SRGAP1: variants seen among roughly 807,000 people sequenced by gnomAD.
SRGAP1 encodes SLIT-ROBO Rho GTPase activating protein 1.
Under a neutral mutation model 121.9 loss-of-function variants are expected in SRGAP1, and 43 were observed. The ratio of observed to expected loss-of-function variants is 0.35; its 90% CI spans 0.28 to 0.46. The LOEUF (loss-of-function observed/expected upper bound fraction) is 0.46, where lower values mean the gene tolerates loss of function less well. SRGAP1 is among the 20% of genes least tolerant of loss of function. The probability of loss-of-function intolerance (pLI) is 1.00; values close to 1 mark genes in which losing one functional copy is unlikely to be tolerated. For synonymous variants in SRGAP1, 447 were observed against 485.4 expected, an observed-to-expected ratio of 0.92 and a Z score of 1.04; for missense variants, 1,102 against 1,350.9, an observed-to-expected ratio of 0.82 and a Z score of 2.89.
chr12:63,958,155 C>T (rs1485963549), intron 1 of SRGAP1, among the ~76,000 whole-genome samples: 1 of 152,166 alleles, frequency 6.6e-6, no homozygotes, highest in East Asian at 1.9e-4. Flanking sequence ...TGGCTGAGAA[C>T]ATGCTTGATA....
At chr12:64,111,669 C>A (rs967138271) in intron 16 of SRGAP1, 93 bp from the exon 17 acceptor site, 2 of 1,086,106 alleles carry the variant, frequency 1.8e-6, no homozygotes, top group African/African-American at 1.6e-5. Context: ...GTTGAAGTAT[C>A]TTATTAAAGT....
At chr12:63,865,047 C>T (rs1899576871) in intron 1 of SRGAP1, among the ~76,000 whole-genome samples, 1 of 152,134 alleles carries the variant, frequency 6.6e-6, no homozygotes, top group Admixed American at 6.5e-5. Context: ...AGTGCAATTA[C>T]TTTTGCACCA....
intron 6 of SRGAP1, among the ~76,000 whole-genome samples, chr12:64,059,151 T>C (rs1477299860): frequency 2.4e-4 from 37 of 152,076 alleles, no homozygotes; most frequent in Admixed American, 2.4e-3. Flanking sequence ...ACGATGAAAT[T>C]ATCTCTTGTT....
At chr12:63,994,567 T>G (rs982092082) in intron 3 of SRGAP1, among the ~76,000 whole-genome samples, 1 of 152,180 alleles carries the variant, frequency 6.6e-6, no homozygotes, top group African/African-American at 2.4e-5. Context: ...ATGGAGCGCC[T>G]TACCTTTGAG....
At chr12:63,949,332 GT>G (rs71434040) in intron 1 of SRGAP1, among the ~76,000 whole-genome samples, 46,450 of 124,228 alleles carry the variant, frequency 0.37, 7,880 homozygotes, top group East Asian at 0.55. Flanking sequence ...GTCACAACTT[GT>G]TTTTTTTTTT....
chr12:64,113,722 C>G (rs963866858), intron 17 of SRGAP1, among the ~76,000 whole-genome samples: 11 of 152,306 alleles, frequency 7.2e-5, no homozygotes, highest in African/African-American at 2.4e-4. Context: ...CACATGATCT[C>G]TTTTATTTAG....
intron 6 of SRGAP1, among the ~76,000 whole-genome samples, chr12:64,052,372 G>A (rs1489964791): frequency 6.6e-6 from 1 of 152,050 alleles, no homozygotes; most frequent in Non-Finnish European, 1.5e-5. Flanking sequence ...GACCAACATG[G>A]TGAAACCCTG....
At chr12:64,041,482 T>C (rs1231019761) in intron 4 of SRGAP1, among the ~76,000 whole-genome samples, 3 of 151,830 alleles carry the variant, frequency 2.0e-5, no homozygotes, top group African/African-American at 7.3e-5. Flanking sequence ...CCTCCCGGGC[T>C]CAACCAATCC....
intron 8 of SRGAP1, among the ~76,000 whole-genome samples, chr12:64,065,493 C>T (rs1275215329): frequency 6.6e-6 from 1 of 152,054 alleles, no homozygotes; most frequent in Non-Finnish European, 1.5e-5. Flanking sequence ...AAATAGTTCC[C>T]GTGGGTTATC....
At chr12:63,848,404 G>C (rs1898973331) in intron 1 of SRGAP1, among the ~76,000 whole-genome samples, 1 of 152,094 alleles carries the variant, frequency 6.6e-6, no homozygotes, top group Non-Finnish European at 1.5e-5. Context: ...ACCATTCCTG[G>C]TGATAATTCG....
At chr12:63,924,011 G>A (rs2031164456) in intron 1 of SRGAP1, among the ~76,000 whole-genome samples, 1 of 152,074 alleles carries the variant, frequency 6.6e-6, no homozygotes, top group South Asian at 2.1e-4. Flanking sequence ...TGTGGTGGCG[G>A]GTACCTGTAA....
intron 1 of SRGAP1, among the ~76,000 whole-genome samples, chr12:63,900,372 A>G (rs1310725729): frequency 1.3e-5 from 2 of 151,070 alleles, no homozygotes. Context: ...CGCCCAGCTA[A>G]TTTTTTGTAT....
chr12:64,070,690 A>G lies in SRGAP1; in HGVS notation c.1125+5471A>G, dbSNP rs149644281. Among the ~76,000 whole-genome samples, 473 of 152,342 alleles carry G rather than the reference A, an allele frequency of 3.1e-3. 3 individuals carry two copies. The highest frequency in any genetic ancestry group is 5.9e-3 in the Non-Finnish European group (404 of 68,022). The stretch of plus-strand genomic sequence containing the variant: ...ATTTCACAGACTGTTCTAAAAATAC[A>G]TTACTTACACAAGATATTTTCAACA... On this transcript the variant is annotated intron_variant, in intron 8 of 21. Coordinates refer to ENST00000355086, the MANE Select transcript of SRGAP1 (RefSeq NM_020762.4).
At chr12:64,095,246 G>A (rs777491283) in intron 14 of SRGAP1, 42 bp downstream of exon 14, 1 of 1,575,418 alleles carries the variant, frequency 6.3e-7, no homozygotes, top group South Asian at 1.1e-5. Context: ...ACGTTGAAAA[G>A]TCATCATGTT....
At position 63,844,949 on chromosome 12, in the gene SRGAP1, C is replaced by G. The variant is rs182840440; in HGVS notation, c.67+66C>G. 2.3e-5 allele frequency: 35 copies of G among 1,490,452 alleles called. No individual in the cohort carries two copies. The East Asian group carries it at 7.4e-4, about 32-fold the overall frequency. The allele number at this position is 1,490,452 out of a possible 1,614,324, so 92.3% of individuals were successfully genotyped here. A position where few individuals can be genotyped will look rare whatever the true frequency, so the allele number is the denominator to read the frequency against. On this transcript the variant is annotated intron_variant, in intron 1 of 21. Transcript: ENST00000355086. This position sits in a 1 kb window ranked among gnomAD's most constrained non-coding sequence, Gnocchi z 4.3. Reference sequence around the variant, plus strand: ...TCTTGTCATTGTGCTCGTGGAGTTGCGTATCTAACTTGGTGTCTGCGTGGG... The same window carrying G: ...TCTTGTCATTGTGCTCGTGGAGTTGGGTATCTAACTTGGTGTCTGCGTGGG...
At chr12:63,872,153 T>A in intron 1 of SRGAP1, 2 of 383,620 alleles carry the variant, frequency 5.2e-6, no homozygotes, top group Non-Finnish European at 9.6e-6. Context: ...AAATGGAACA[T>A]TTCGTTATGT....
chr12:63,844,909 T>A lies in SRGAP1; in HGVS notation c.67+26T>A. ...GTAAGGATGGGAGCGGCTGCCTTGC[T>A]CCTTTTGTGTGCCTTCTTGTCATTG... is the stretch of plus-strand genomic sequence containing the variant. On this transcript the variant is annotated intron_variant, in intron 1 of 21. Transcript: ENST00000355086. The surrounding 1 kb of genome is among the most constrained non-coding windows in gnomAD (Gnocchi z 4.3). 1 of 1,603,534 alleles carries A rather than the reference T, an allele frequency of 6.2e-7. No homozygotes were observed. The highest frequency in any genetic ancestry group is 8.5e-7 in the Non-Finnish European group (1 of 1,170,324).
In SRGAP1 at chr12:64,119,863, C is replaced by T. The variant is rs537217790; in HGVS notation, c.2224+3970C>T. Among the ~76,000 whole-genome samples, 214 of 150,998 alleles carry T rather than the reference C, an allele frequency of 1.4e-3. 1 individual carries two copies. The highest frequency in any genetic ancestry group is 5.1e-3 in the African/African-American group (210 of 41,162). ...TCAGCTCACAGCAAACTCCGCCTCC[C>T]AGGTTCAAGTGATTCTCCTGCCTCA... On this transcript the variant is annotated intron_variant, in intron 18 of 21. Transcript: ENST00000355086.
intron 1 of SRGAP1, among the ~76,000 whole-genome samples, chr12:63,850,991 A>G (rs1433279816): frequency 1.3e-5 from 2 of 151,844 alleles, no homozygotes; most frequent in East Asian, 2.0e-4. Flanking sequence ...TCTCGTCTCT[A>G]CTAAAAACAC....
Sources: gnomAD v4.1 joint callset for allele counts (sites outside exome capture counted in the v4.1 genomes callset) on GRCh38, gnomAD v4.1.1 for gene constraint, Gnocchi (gnomAD v3.1) non-coding constraint, MANE v1.5 for transcripts, NCBI Gene and HGNC (gene_info 2026-07-23, HGNC 2026-07-21) for gene names.